The following CD247 variants were observed in gnomAD, a reference collection of about 807,000 sequenced individuals.
CD247 encodes the protein CD247 molecule.
A neutral mutation model predicts 30.0 loss-of-function variants in CD247; 13 were observed. The observed-to-expected ratio is 0.43, with a 90% CI of 0.28 to 0.69. The LOEUF is 0.69. CD247 is among the 30% of genes least tolerant of loss of function. The pLI, the probability that CD247 is intolerant of heterozygous loss-of-function variation, is 0.16. For synonymous variants in CD247, 72 were observed against 80.0 expected (o/e 0.90, Z 0.53); for missense variants, 193 against 212.6 (o/e 0.91, Z 0.57).
intron 1 of CD247, among the ~76,000 whole-genome samples, chr1:167,507,074 T>C (rs1275247835): frequency 6.6e-6 from 1 of 151,944 alleles, no homozygotes; most frequent in Non-Finnish European, 1.5e-5. Flanking sequence ...TTTTGTTGTT[T>C]GTTTGTTTTT....
chr1:167,482,950 ATCCAGTAACC>A, intron 1 of CD247, among the ~76,000 whole-genome samples: 1 of 149,204 alleles, frequency 6.7e-6, no homozygotes, highest in Admixed American at 6.8e-5. Context: ...GCCTAATCTG[ATCCAGTAACC>A]ACACAAACTG....
At chr1:167,456,907 C>A (rs1652703388) in intron 1 of CD247, among the ~76,000 whole-genome samples, 1 of 152,200 alleles carries the variant, frequency 6.6e-6, no homozygotes, top group Non-Finnish European at 1.5e-5. Flanking sequence ...AATGTGTACT[C>A]TCTCGGGGAC....
intron 1 of CD247, among the ~76,000 whole-genome samples, chr1:167,483,712 C>A (rs1443297997): frequency 6.6e-6 from 1 of 152,266 alleles, no homozygotes; most frequent in Admixed American, 6.5e-5. Context: ...ACCTGCAGGG[C>A]AGTGCCTGCT....
At chr1:167,455,535 C>T (rs1191065528) in intron 1 of CD247, among the ~76,000 whole-genome samples, 1 of 152,194 alleles carries the variant, frequency 6.6e-6, no homozygotes, top group Non-Finnish European at 1.5e-5. Flanking sequence ...GGCTCCCGTG[C>T]GGTTACGGGA....
intron 1 of CD247, among the ~76,000 whole-genome samples, chr1:167,503,130 C>A (rs1483724985): frequency 1.3e-5 from 2 of 152,200 alleles, no homozygotes; most frequent in Non-Finnish European, 2.9e-5. Flanking sequence ...AACTGTGGAA[C>A]AGCTACCTCA....
intron 1 of CD247, among the ~76,000 whole-genome samples, chr1:167,441,471 T>A (rs1251832209): frequency 6.6e-6 from 1 of 152,086 alleles, no homozygotes; most frequent in Non-Finnish European, 1.5e-5. Context: ...GCCTCAGCCT[T>A]CTCTGTCTCC....
chr1:167,431,925 G>A (rs1457680360), intron 7 of CD247, among the ~76,000 whole-genome samples, 179 bp from the exon 8 acceptor site: 4 of 152,178 alleles, frequency 2.6e-5, no homozygotes, highest in Non-Finnish European at 4.4e-5. Context: ...CAACAGCTTC[G>A]TTGGTAGATG....
intron 2 of CD247, chr1:167,440,291 A>C (rs1651756484): frequency 6.1e-6 from 2 of 328,812 alleles, no homozygotes; most frequent in South Asian, 5.4e-5. Context: ...CAGATGAGGA[A>C]AGGGCCTTTT....
At chr1:167,431,887 CT>C (rs1329191766) in intron 7 of CD247, 141 bp from the exon 8 acceptor site, 10 of 769,362 alleles carry the variant, frequency 1.3e-5, no homozygotes, top group Non-Finnish European at 2.3e-5. Context: ...AATAATCCCC[CT>C]GGCCCCACGG....
chr1:167,481,542 C>T (rs1370495604), intron 1 of CD247, among the ~76,000 whole-genome samples: 4 of 152,076 alleles, frequency 2.6e-5, no homozygotes, highest in East Asian at 3.9e-4. Flanking sequence ...TGGGTGGGGG[C>T]GGAAAGAGAA....
intron 1 of CD247, among the ~76,000 whole-genome samples, chr1:167,467,418 G>T (rs1653306842): frequency 6.6e-6 from 1 of 152,152 alleles, no homozygotes; most frequent in Non-Finnish European, 1.5e-5. Context: ...TTCCAAAGGG[G>T]ATTTTCTGTT....
At chr1:167,497,219 T>TG (rs1654728694) in intron 1 of CD247, among the ~76,000 whole-genome samples, 1 of 152,176 alleles carries the variant, frequency 6.6e-6, no homozygotes, top group Non-Finnish European at 1.5e-5. Flanking sequence ...CGAAATAAAA[T>TG]GCACATATCC....
At position 167,432,089 on chromosome 1, in the gene CD247, A is replaced by G. The variant is rs1349554788; in HGVS notation, c.430-343T>C. Among the ~76,000 whole-genome samples, 3 of 131,912 alleles carry G rather than the reference A, an allele frequency of 2.3e-5. No homozygotes were observed. In the East Asian group the frequency reaches 6.6e-4, roughly 29 times the overall value. 86.5% of individuals were successfully genotyped at this position (131,912 alleles called of 152,430 possible). A position where few individuals can be genotyped will look rare whatever the true frequency, so the allele number is the denominator to read the frequency against. On this transcript the variant is annotated intron_variant, in intron 7 of 7. Coordinates refer to ENST00000362089, the MANE Select transcript of CD247 (RefSeq NM_198053.3). ...GAGAAAGGAGTCTCCCACCTCCCAT[A>G]TTGGGCAGGAATCAGGGGGGAGGGC...
At chr1:167,448,310 C>G in intron 1 of CD247, 8 of 966,998 alleles carry the variant, frequency 8.3e-6, no homozygotes, top group Non-Finnish European at 9.8e-6. Flanking sequence ...TCTGGATCCA[C>G]AGTCCAGGTC....
intron 1 of CD247, among the ~76,000 whole-genome samples, chr1:167,516,637 G>A (rs769640862): frequency 1.6e-4 from 24 of 152,214 alleles, no homozygotes; most frequent in Non-Finnish European, 2.5e-4. Context: ...ACCGTACCTC[G>A]TTTCTGGGCT....
At chr1:167,477,905 G>A (rs917654057) in intron 1 of CD247, among the ~76,000 whole-genome samples, 50 of 152,324 alleles carry the variant, frequency 3.3e-4, no homozygotes, top group African/African-American at 1.1e-3. Context: ...TGCTGGTGCT[G>A]ATGGGGCAGT....
At chr1:167,480,247 T>G (rs998499974) in intron 1 of CD247, among the ~76,000 whole-genome samples, 2 of 152,192 alleles carry the variant, frequency 1.3e-5, no homozygotes, top group African/African-American at 4.8e-5. Context: ...TTTAGAGAGC[T>G]GCTGAGGTCT....
intron 1 of CD247, among the ~76,000 whole-genome samples, chr1:167,483,017 T>TTC (rs761279615): frequency 1.5e-5 from 2 of 133,326 alleles, no homozygotes. Context: ...TCTTTCTTTT[T>TTC]TTTTTTTTGA....
rs12072764 is a variant in CD247, at chr1:167,518,254, C to T, written c.58+154G>A. 8.8e-3 allele frequency among the ~76,000 whole-genome samples: 1,345 copies of T among 152,246 alleles called. 16 individuals are homozygous for T. The highest frequency in any genetic ancestry group is 0.03 in the African/African-American group (1,245 of 41,538). Reference sequence around the variant, plus strand: ...GACGGAGCAGATGCCAGCACCGGGCCGGACCCCTCACTGCTCACTTGCCCA... The same window carrying T: ...GACGGAGCAGATGCCAGCACCGGGCTGGACCCCTCACTGCTCACTTGCCCA... On this transcript the variant is annotated intron_variant, in intron 1 of 7. Coordinates refer to ENST00000362089, the MANE Select transcript of CD247 (RefSeq NM_198053.3).
Sources: gnomAD v4.1 joint callset for allele counts (sites outside exome capture counted in the v4.1 genomes callset) on GRCh38, gnomAD v4.1.1 for gene constraint, MANE v1.5 for transcripts, NCBI Gene and HGNC (gene_info 2026-07-23, HGNC 2026-07-21) for gene names.